The following MEGF9 variants were observed in gnomAD, a reference collection of about 807,000 sequenced individuals.
MEGF9 encodes multiple EGF like domains 9.
In MEGF9, 6 loss-of-function variants were observed where a neutral mutation model predicts 46.8. The observed-to-expected ratio is 0.13, with a 90% CI of 0.07 to 0.25. The LOEUF (loss-of-function observed/expected upper bound fraction) is 0.25, where lower values mean the gene tolerates loss of function less well. MEGF9 is among the 10% of genes least tolerant of loss of function. MEGF9 has a pLI of 1.00. For synonymous variants in MEGF9, 302 were observed against 330.7 expected, an observed-to-expected ratio of 0.91 and a Z score of 0.94; for missense variants, 683 against 792.4, an observed-to-expected ratio of 0.86 and a Z score of 1.66.
intron 1 of MEGF9, among the ~76,000 whole-genome samples, chr9:120,687,958 T>C (rs535367896): frequency 6.6e-6 from 1 of 152,290 alleles, no homozygotes; most frequent in Admixed American, 6.5e-5. Flanking sequence ...ACTTATTTCA[T>C]ATTTTTTAAA....
chr9:120,621,032 G>GT (rs1050313401), intron 3 of MEGF9, among the ~76,000 whole-genome samples: 27 of 151,730 alleles, frequency 1.8e-4, no homozygotes, highest in African/African-American at 6.3e-4. Context: ...TTGCTTGTTT[G>GT]TTTGGGAAAA....
chr9:120,663,534 AAAGAC>A (rs1270614959), intron 1 of MEGF9, among the ~76,000 whole-genome samples: 6 of 152,234 alleles, frequency 3.9e-5, no homozygotes, highest in Admixed American at 2.6e-4. Context: ...GAGAAGGACC[AAAGAC>A]AAGAGGAAGT....
At chr9:120,621,857 T>A (rs761690933) in intron 3 of MEGF9, among the ~76,000 whole-genome samples, 4 of 152,204 alleles carry the variant, frequency 2.6e-5, no homozygotes, top group East Asian at 1.9e-4. Flanking sequence ...AATTTTAGTA[T>A]GAGTTAATCA....
chr9:120,628,898 AC>A (rs2043538750), intron 2 of MEGF9, among the ~76,000 whole-genome samples: 1 of 152,190 alleles, frequency 6.6e-6, no homozygotes, highest in Non-Finnish European at 1.5e-5. Flanking sequence ...TGAAACAATA[AC>A]CACCTCTCAA....
chr9:120,612,927 T>A (rs1376890130), intron 3 of MEGF9, among the ~76,000 whole-genome samples: 1 of 17,472 alleles, frequency 5.7e-5, no homozygotes, highest in Non-Finnish European at 1.6e-4. Flanking sequence ...GCACAAATCT[T>A]TTTTTTTTTT....
At chr9:120,665,170 C>G (rs2132325330) in intron 1 of MEGF9, among the ~76,000 whole-genome samples, 1 of 152,064 alleles carries the variant, frequency 6.6e-6, no homozygotes, top group South Asian at 2.1e-4. Flanking sequence ...ATCCTTCCTT[C>G]TCACCTACCC....
intron 2 of MEGF9, among the ~76,000 whole-genome samples, chr9:120,623,992 G>A (rs2043512876): frequency 6.6e-6 from 1 of 152,194 alleles, no homozygotes; most frequent in Non-Finnish European, 1.5e-5. Context: ...CCTACAAGAA[G>A]AAGGTATTAG....
In MEGF9 at chr9:120,601,573, T is replaced by A. The variant is rs532151065; in HGVS notation, c.*3617A>T. On this transcript the variant is annotated 3_prime_UTR_variant, in exon 6 of 6. Coordinates refer to ENST00000373930, the MANE Select transcript of MEGF9 (RefSeq NM_001080497.3). ...GAACAGTGATATAATTTGAGGTGTCTACAAATGTTGTCTAAAAAACCTCTC... is the reference window on the plus strand; with the variant it reads ...GAACAGTGATATAATTTGAGGTGTCAACAAATGTTGTCTAAAAAACCTCTC... 6.6e-6 allele frequency: 1 copy of A among 152,230 alleles called. No individual in the cohort carries two copies. The highest frequency in any genetic ancestry group is 1.5e-5 in the Non-Finnish European group (1 of 68,038). 9.4% of individuals were successfully genotyped at this position (152,230 alleles called of 1,614,324 possible). A position where few individuals can be genotyped will look rare whatever the true frequency, so the allele number is the denominator to read the frequency against.
At position 120,652,439 on chromosome 9, in the gene MEGF9, A is replaced by G. The variant is rs534621228; in HGVS notation, c.803+6935T>C. Among the ~76,000 whole-genome samples the G allele has an allele frequency of 2.1e-5, 3 of 141,058 alleles. No individual in the cohort carries two copies. In the South Asian group the frequency reaches 7.0e-4, roughly 33 times the overall value. The allele number at this position is 141,058 out of a possible 152,430, so 92.5% of individuals were successfully genotyped here. ...CTGCAGCGAGCCATGATTGAGCCAC[A>G]TTGCACTCCAGGCTGGGTGACAGAG... is the stretch of plus-strand genomic sequence containing the variant. On this transcript the variant is annotated intron_variant, in intron 2 of 5. Transcript: ENST00000373930.
At chr9:120,652,912 CTATTTTACAGA>C (rs570618402) in intron 2 of MEGF9, among the ~76,000 whole-genome samples, 1 of 152,022 alleles carries the variant, frequency 6.6e-6, no homozygotes, top group Non-Finnish European at 1.5e-5. Context: ...TATATTAATC[CTATTTTACAGA>C]TAAAAGCAAT....
At chr9:120,624,541 A>G (rs2043515427) in intron 2 of MEGF9, among the ~76,000 whole-genome samples, 1 of 152,068 alleles carries the variant, frequency 6.6e-6, no homozygotes, top group Non-Finnish European at 1.5e-5. Flanking sequence ...TTTTAAAACA[A>G]CAAGAAAAAA....
chr9:120,637,291 G>C (rs557830986), intron 2 of MEGF9, among the ~76,000 whole-genome samples: 2 of 152,138 alleles, frequency 1.3e-5, no homozygotes, highest in Admixed American at 1.3e-4. Flanking sequence ...ACTGTGGAAG[G>C]CCGCAGGGTC....
chr9:120,709,527 G>C (rs924117714), intron 1 of MEGF9, among the ~76,000 whole-genome samples: 1 of 152,114 alleles, frequency 6.6e-6, no homozygotes, highest in Admixed American at 6.5e-5. Flanking sequence ...ATTTGGCCAA[G>C]ACAGAGAGGG....
At chr9:120,709,724 A>G (rs1271552065) in intron 1 of MEGF9, among the ~76,000 whole-genome samples, 1 of 152,166 alleles carries the variant, frequency 6.6e-6, no homozygotes, top group Non-Finnish European at 1.5e-5. Flanking sequence ...TTAAAGTCCT[A>G]TCTACCCCTA....
intron 1 of MEGF9, among the ~76,000 whole-genome samples, chr9:120,701,025 G>A (rs2043902344): frequency 6.6e-6 from 1 of 151,556 alleles, no homozygotes; most frequent in Non-Finnish European, 1.5e-5. Context: ...AGGCTGAGGT[G>A]AGTGGATCAT....
chr9:120,612,176 C>T (rs1366829767), intron 4 of MEGF9, among the ~76,000 whole-genome samples: 1 of 152,018 alleles, frequency 6.6e-6, no homozygotes, highest in Non-Finnish European at 1.5e-5. Context: ...CTTGAAGTTC[C>T]TGCATTAACT....
At position 120,652,849 on chromosome 9, in the gene MEGF9, TTCTA is replaced by T. The variant is rs371018605; in HGVS notation, c.803+6521_803+6524del. ...GTTACCAAGCACTAGATCTTTATTC[TTCTA>T]TCTAACTGTATTTTTGTACTAATTA... On this transcript the variant is annotated intron_variant, in intron 2 of 5. Transcript: ENST00000373930. Among the ~76,000 whole-genome samples the T allele has an allele frequency of 8.1e-4, 123 of 152,334 alleles. 2 individuals are homozygous for T. The East Asian group carries it at 0.021, about 26-fold the overall frequency.
chr9:120,633,516 C>T (rs1183718414), intron 2 of MEGF9, among the ~76,000 whole-genome samples: 1 of 151,900 alleles, frequency 6.6e-6, no homozygotes, highest in East Asian at 1.9e-4. Context: ...CTGATGGTTT[C>T]TCAATTTTGT....
intron 3 of MEGF9, among the ~76,000 whole-genome samples, chr9:120,616,536 G>A (rs993940514): frequency 2.0e-5 from 3 of 152,006 alleles, no homozygotes; most frequent in South Asian, 2.1e-4. Flanking sequence ...AAAATTAGCC[G>A]GGAATGGTGG....
Sources: gnomAD v4.1 joint callset for allele counts (sites outside exome capture counted in the v4.1 genomes callset) on GRCh38, gnomAD v4.1.1 for gene constraint, MANE v1.5 for transcripts, NCBI Gene and HGNC (gene_info 2026-07-23, HGNC 2026-07-21) for gene names.